Variants in GBX1 observed in about 807,000 individuals in gnomAD.
GBX1 encodes homeobox protein GBX-1.
In GBX1, 9 loss-of-function variants were observed where a neutral mutation model predicts 22.9. The observed-to-expected ratio is 0.39, with a 90% confidence interval of 0.24 to 0.69. The LOEUF is 0.69. Among genes scored for constraint, GBX1 ranks in the 30% least tolerant of loss-of-function variants. The pLI, the probability that GBX1 is intolerant of heterozygous loss-of-function variation, is 0.43. For missense variants in GBX1, 494 were observed against 509.2 expected, an observed-to-expected ratio of 0.97 and a Z score of 0.29; for synonymous variants, 203 against 227.3, an observed-to-expected ratio of 0.89 and a Z score of 0.96.
At chr7:151,151,324 G>C (rs894034718) in intron 1 of GBX1, among the ~76,000 whole-genome samples, 58 of 152,154 alleles carry the variant, frequency 3.8e-4, no homozygotes, top group African/African-American at 1.4e-3. Flanking sequence ...GGTAAGTACT[G>C]TATCCTGTCT....
chr7:151,156,894 A>G (rs1801141297), intron 1 of GBX1, among the ~76,000 whole-genome samples: 1 of 150,288 alleles, frequency 6.7e-6, no homozygotes. Context: ...CTGAGGCAGG[A>G]GAATCGCTTG....
intron 1 of GBX1, among the ~76,000 whole-genome samples, chr7:151,154,495 T>C (rs910670683): frequency 6.6e-6 from 1 of 152,240 alleles, no homozygotes; most frequent in African/African-American, 2.4e-5. Context: ...ATAAGAAGAC[T>C]ATATTGAGTT....
At chr7:151,162,379 T>TA (rs1464763169) in intron 1 of GBX1, among the ~76,000 whole-genome samples, 2 of 152,242 alleles carry the variant, frequency 1.3e-5, no homozygotes, top group African/African-American at 4.8e-5. Flanking sequence ...AAATGTTCCC[T>TA]AGCTACATTC....
Position 151,150,337 on chromosome 7 carries a change from AG to A in GBX1, c.539-1196del, listed in dbSNP as rs539271418. Among the ~76,000 whole-genome samples the A allele has an allele frequency of 7.2e-5, 11 of 152,360 alleles. No homozygotes were observed. The South Asian group carries it at 2.3e-3, about 32-fold the overall frequency. ...AGTCAAAAGACAATCAATAGGCAGG[AG>A]AACAAGAGAAAATGGATAATCTGTA... is the stretch of plus-strand genomic sequence containing the variant. On this transcript the variant is annotated intron_variant, in intron 1 of 1. Coordinates refer to ENST00000297537, the MANE Select transcript of GBX1 (RefSeq NM_001098834.3).
chr7:151,166,894 G>T, intron 1 of GBX1, 117 bp downstream of exon 1: 1 of 1,002,956 alleles, frequency 1.0e-6, no homozygotes, highest in Non-Finnish European at 1.5e-6. Flanking sequence ...CGATCTAAAG[G>T]TCTGGGACTT....
intron 1 of GBX1, among the ~76,000 whole-genome samples, chr7:151,150,285 C>T (rs1801062589): frequency 6.6e-6 from 1 of 152,172 alleles, no homozygotes; most frequent in Admixed American, 6.5e-5. Context: ...CCGTTTTCTA[C>T]TCAAAGGACC....
intron 1 of GBX1, among the ~76,000 whole-genome samples, chr7:151,163,720 A>G (rs1801212091): frequency 6.6e-6 from 1 of 152,148 alleles, no homozygotes; most frequent in South Asian, 2.1e-4. Flanking sequence ...TATGGCTTGC[A>G]TATATCTCTA....
chr7:151,159,306 G>A (rs145902331), intron 1 of GBX1, among the ~76,000 whole-genome samples: 32 of 151,996 alleles, frequency 2.1e-4, no homozygotes, highest in East Asian at 5.8e-4. Flanking sequence ...GGCTGGTCTC[G>A]AACTCCTAGC....
chr7:151,149,233 G>T (rs1801050060), intron 1 of GBX1, 91 bp from the exon 2 acceptor site: 2 of 1,269,462 alleles, frequency 1.6e-6, no homozygotes, highest in Non-Finnish European at 2.2e-6. Flanking sequence ...CAGAAATGGG[G>T]GGTTGGGAGA....
chr7:151,155,714 T>C (rs1482290688), intron 1 of GBX1, among the ~76,000 whole-genome samples: 2 of 152,168 alleles, frequency 1.3e-5, no homozygotes, highest in African/African-American at 4.8e-5. Context: ...CATACTAACA[T>C]TGCCATTTCC....
chr7:151,153,194 G>A (rs1258739333), intron 1 of GBX1, among the ~76,000 whole-genome samples: 1 of 152,098 alleles, frequency 6.6e-6, no homozygotes, highest in African/African-American at 2.4e-5. Context: ...AAAAATCAGG[G>A]GAAAGAAAGC....
intron 1 of GBX1, chr7:151,150,086 G>A: frequency 5.7e-6 from 2 of 353,738 alleles, no homozygotes; most frequent in East Asian, 9.2e-5. Flanking sequence ...ATGAAGAGAA[G>A]GAAAGGGTAA....
intron 1 of GBX1, among the ~76,000 whole-genome samples, chr7:151,160,994 C>T (rs1801182777): frequency 6.6e-6 from 1 of 152,144 alleles, no homozygotes; most frequent in Non-Finnish European, 1.5e-5. Flanking sequence ...CTCATCATTC[C>T]TGTTTAAATC....
chr7:151,158,657 C>T (rs1234207252), intron 1 of GBX1, among the ~76,000 whole-genome samples: 3 of 151,860 alleles, frequency 2.0e-5, no homozygotes, highest in Admixed American at 1.3e-4. Flanking sequence ...TGGCAGTCCC[C>T]GAATAATCAG....
At chr7:151,160,203 ACACTTCCTTTGC>A (rs1160282312) in intron 1 of GBX1, among the ~76,000 whole-genome samples, 1 of 152,236 alleles carries the variant, frequency 6.6e-6, no homozygotes, top group African/African-American at 2.4e-5. Flanking sequence ...GGAAGCTAAG[ACACTTCCTTTGC>A]TTAGGCTAAT....
intron 1 of GBX1, among the ~76,000 whole-genome samples, chr7:151,156,384 T>TAAAAAAAAAAAAAAAAAAAAAAAAAA: frequency 1.2e-4 from 1 of 8,006 alleles, no homozygotes; most frequent in Non-Finnish European, 2.7e-4. Context: ...AGACCCTGTC[T>TAAAAAAAAAAAAAAAAAAAAAAAAAA]CAAAAAAAAA....
intron 1 of GBX1, among the ~76,000 whole-genome samples, chr7:151,156,385 C>CAAAAAA (rs56947735): frequency 9.4e-4 from 15 of 15,922 alleles, no homozygotes; most frequent in East Asian, 3.7e-3. Flanking sequence ...GACCCTGTCT[C>CAAAAAA]AAAAAAAAAA....
At chr7:151,152,284 C>G (rs968684955) in intron 1 of GBX1, among the ~76,000 whole-genome samples, 1 of 152,154 alleles carries the variant, frequency 6.6e-6, no homozygotes, top group Non-Finnish European at 1.5e-5. Flanking sequence ...TCCCCACAAC[C>G]CCACCCCGCC....
rs1198622395 is a variant in GBX1, at chr7:151,148,669, C to A, written c.1012G>T (p.Val338Phe). 1.2e-6 allele frequency: 2 copies of A among 1,614,142 alleles called. No homozygotes were observed. Among genetic ancestry groups the A allele is most frequent in the Non-Finnish European group, 1.7e-6 (2 of 1,180,020 alleles). ...TTGACATGCACAGGTATGGGGACAA[C>A]AATCTTGGGGTTTCTTACGGGCTCC... ...SGEPVRNPKI[V>F]VPIPVHVNRF... is the part of the protein sequence containing the mutation. The change falls in exon 2 of 2, where the codon GTT (valine) becomes TTT (phenylalanine). Residue 338 changes from valine to phenylalanine, a missense_variant. Val to Phe is a conservative substitution (Grantham distance 50). Around this residue, in one of 3 missense-constraint regions of GBX1, gnomAD observed 124 missense variants for 152.0 expected, o/e 0.82. Transcript: ENST00000297537. The surrounding 1 kb of genome is among the most constrained non-coding windows in gnomAD (Gnocchi z 5.1).
Sources: gnomAD v4.1 joint callset for allele counts (sites outside exome capture counted in the v4.1 genomes callset) on GRCh38, gnomAD v4.1.1 for gene constraint, gnomAD v4.1.1 regional missense constraint, Gnocchi (gnomAD v3.1) non-coding constraint, MANE v1.5 for transcripts, NCBI Gene and HGNC (gene_info 2026-07-23, HGNC 2026-07-21) for gene names.